Variants in TLE1 observed in about 807,000 individuals in gnomAD.
TLE1 encodes transducin-like enhancer protein 1.
TLE1 carries 21 observed loss-of-function variants against 89.8 expected under a neutral mutation model. The ratio of observed to expected loss-of-function variants is 0.23; its 90% CI spans 0.17 to 0.34. The LOEUF is 0.34. Among genes scored for constraint, TLE1 ranks in the 10% least tolerant of loss-of-function variants. The pLI is 1.00. For synonymous variants in TLE1, 447 were observed against 407.6 expected, an observed-to-expected ratio of 1.10 and a Z score of -1.16; for missense variants, 795 against 1,031.2, an observed-to-expected ratio of 0.77 and a Z score of 3.14.
chr9:81,639,071 C>T (rs1335379215), intron 6 of TLE1, among the ~76,000 whole-genome samples: 2 of 151,910 alleles, frequency 1.3e-5, no homozygotes, highest in African/African-American at 4.8e-5. Context: ...GCTGGGACTA[C>T]AGGTGTGCAC....
At chr9:81,669,410 G>A (rs531888066) in intron 4 of TLE1, among the ~76,000 whole-genome samples, 4 of 152,326 alleles carry the variant, frequency 2.6e-5, no homozygotes, top group East Asian at 1.9e-4. Flanking sequence ...TTAATGAGGG[G>A]AAATAACCTT....
chr9:81,627,857 T>C (rs895353951), intron 8 of TLE1, among the ~76,000 whole-genome samples: 5 of 152,108 alleles, frequency 3.3e-5, no homozygotes, highest in Admixed American at 1.3e-4. Flanking sequence ...GAACCATCAG[T>C]AACTGCCACC....
At chr9:81,612,631 G>A (rs181982631) in intron 12 of TLE1, among the ~76,000 whole-genome samples, 261 of 152,278 alleles carry the variant, frequency 1.7e-3, no homozygotes, top group Admixed American at 3.9e-3. Flanking sequence ...CAAGGAGCAC[G>A]GTTGGGCCAG....
chr9:81,687,220 C>A, intron 2 of TLE1, 114 bp downstream of exon 2: 1 of 826,012 alleles, frequency 1.2e-6, no homozygotes, highest in Non-Finnish European at 1.9e-6. Flanking sequence ...AACTGAGACT[C>A]CACACGCCAC....
At chr9:81,599,265 C>T (rs866244693) in intron 14 of TLE1, among the ~76,000 whole-genome samples, 5 of 152,124 alleles carry the variant, frequency 3.3e-5, no homozygotes, top group South Asian at 2.1e-4. Context: ...GGCTAGTAAG[C>T]GGTAGACCAA....
rs1248309612 is a variant in TLE1 at position 81,688,194 on chromosome 9, A to AC, written c.24+22dup. 1.9e-6 allele frequency: 3 copies of AC among 1,598,508 alleles called. No individual in the cohort carries two copies. In the Admixed American group the frequency reaches 5.1e-5, roughly 27 times the overall value. ...GCCTCCCCAACGATCCTGGCCCCCC[A>AC]CCACCACCCAGCCGCGCCTCACCGG... On this transcript the variant is annotated intron_variant, in intron 1 of 19. Transcript: ENST00000376499.
Position 81,587,714 on chromosome 9 carries a change from C to A in TLE1, c.1944G>T (p.Gly648=), listed in dbSNP as rs1439307019. The A allele has an allele frequency of 6.2e-7, 1 of 1,613,672 alleles. No individual in the cohort carries two copies. The highest frequency in any genetic ancestry group is 1.3e-5 in the African/African-American group (1 of 74,906). ...NTVRSWDLRE[G]RQLQQHDFTS... The stretch of plus-strand genomic sequence containing the variant: ...TGAAGTCGTGCTGCTGCAGCTGCCG[C>A]CCCTCGCGCAGGTCCCAGGACCTGA... The change falls in exon 17 of 20, where the codon GGG becomes GGT. Residue 648 remains glycine (G), a synonymous_variant. Coordinates refer to ENST00000376499, the MANE Select transcript of TLE1 (RefSeq NM_005077.5).
intron 14 of TLE1, among the ~76,000 whole-genome samples, chr9:81,607,533 T>G (rs987769584): frequency 6.6e-6 from 1 of 152,186 alleles, no homozygotes; most frequent in Admixed American, 6.5e-5. Context: ...GCTTTTTCCC[T>G]AAGGATCAGC....
intron 8 of TLE1, among the ~76,000 whole-genome samples, chr9:81,622,888 C>T (rs995538988): frequency 2.0e-5 from 3 of 152,174 alleles, no homozygotes; most frequent in Non-Finnish European, 4.4e-5. Context: ...ATCCCTGGCC[C>T]ACGCAGCTGC....
chr9:81,620,705 G>A (rs1411157684), intron 8 of TLE1, 148 bp from the exon 9 acceptor site: 40 of 1,450,890 alleles, frequency 2.8e-5, no homozygotes, highest in Non-Finnish European at 2.6e-5. Context: ...GACTTTGATG[G>A]CAAACATATC....
At chr9:81,610,833 C>T (rs1265390296) in intron 13 of TLE1, among the ~76,000 whole-genome samples, 2 of 143,726 alleles carry the variant, frequency 1.4e-5, no homozygotes, top group African/African-American at 2.6e-5. Flanking sequence ...CAGTTGCATA[C>T]ATGGGTCTAA....
At chr9:81,633,675 T>G (rs979512925) in intron 7 of TLE1, 1 of 488,864 alleles carries the variant, frequency 2.0e-6, no homozygotes, top group Non-Finnish European at 3.6e-6. Context: ...ATACTAGAAT[T>G]AAAGCCTATG....
intron 4 of TLE1, among the ~76,000 whole-genome samples, chr9:81,665,612 C>T (rs1233903810): frequency 6.6e-6 from 1 of 152,182 alleles, no homozygotes; most frequent in Non-Finnish European, 1.5e-5. Flanking sequence ...ATTGCAGGGG[C>T]CTGCATCTCC....
chr9:81,684,035 G>A (rs940831255), intron 4 of TLE1, among the ~76,000 whole-genome samples: 2 of 151,602 alleles, frequency 1.3e-5, no homozygotes, highest in Admixed American at 1.3e-4. Flanking sequence ...CCTTGTAAAA[G>A]AGTCAATGAG....
chr9:81,614,563 T>C (rs1306700183), intron 11 of TLE1, among the ~76,000 whole-genome samples: 1 of 152,170 alleles, frequency 6.6e-6, no homozygotes, highest in Non-Finnish European at 1.5e-5. Context: ...CTTTCTGACC[T>C]TGGATCATGA....
intron 14 of TLE1, among the ~76,000 whole-genome samples, chr9:81,607,876 T>C (rs1831898139): frequency 1.3e-5 from 2 of 152,228 alleles, no homozygotes; most frequent in African/African-American, 4.8e-5. Flanking sequence ...GAGGTCATCA[T>C]AAATTCCTAA....
At chr9:81,673,581 A>C (rs1398049178) in intron 4 of TLE1, among the ~76,000 whole-genome samples, 1 of 152,062 alleles carries the variant, frequency 6.6e-6, no homozygotes, top group Non-Finnish European at 1.5e-5. Flanking sequence ...TAACTCACTT[A>C]ATCTTGGTAA....
chr9:81,626,661 G>A (rs1425498293), intron 8 of TLE1, among the ~76,000 whole-genome samples: 1 of 152,130 alleles, frequency 6.6e-6, no homozygotes, highest in Non-Finnish European at 1.5e-5. Context: ...CCTGCAACTC[G>A]ATTTTGCAAC....
chr9:81,660,058 T>C (rs1382853598), intron 4 of TLE1, among the ~76,000 whole-genome samples: 1 of 152,092 alleles, frequency 6.6e-6, no homozygotes, highest in African/African-American at 2.4e-5. Context: ...CACCATGTCA[T>C]ACAAAGAAAG....
Sources: allele counts gnomAD v4.1 joint callset (sites outside exome capture counted in the v4.1 genomes callset), GRCh38; gene constraint gnomAD v4.1.1; transcripts MANE v1.5; gene names NCBI Gene and HGNC (gene_info 2026-07-23, HGNC 2026-07-21).